The following SOX6 variants were observed in gnomAD, a reference collection of about 807,000 sequenced individuals.
SOX6 encodes the protein transcription factor SOX-6.
In SOX6, 11 loss-of-function variants were observed where a neutral mutation model predicts 97.8. The ratio of observed to expected loss-of-function variants is 0.11; its 90% CI spans 0.07 to 0.19. The LOEUF (loss-of-function observed/expected upper bound fraction) is 0.19. Among genes scored for constraint, SOX6 ranks in the 10% least tolerant of loss-of-function variants. The pLI is 1.00. For missense variants in SOX6, 810 were observed against 1,039.5 expected, an observed-to-expected ratio of 0.78 and a Z score of 3.04; for synonymous variants, 360 against 371.4, an observed-to-expected ratio of 0.97 and a Z score of 0.35.
At chr11:16,015,409 G>A (rs1474013997) in intron 12 of SOX6, 2 of 243,420 alleles carry the variant, frequency 8.2e-6, no homozygotes, top group East Asian at 9.9e-5. Flanking sequence ...TAAAATACAC[G>A]GCTCAATTTA....
At chr11:16,528,357 T>A (rs1565172876) in intron 4 of SOX6, among the ~76,000 whole-genome samples, 1 of 152,134 alleles carries the variant, frequency 6.6e-6, no homozygotes, top group African/African-American at 2.4e-5. Flanking sequence ...AAGGAAGACG[T>A]TATTCTCATC....
rs928161623 is a variant in SOX6 at position 16,234,839 on chromosome 11, A to G, written c.446-168T>C. Among the ~76,000 whole-genome samples, 14 of 152,148 alleles carry G rather than the reference A, an allele frequency of 9.2e-5. No individual in the cohort carries two copies. In the East Asian group the frequency reaches 2.7e-3, roughly 29 times the overall value. ...TATTCTATAATGTGTATTATAAAATACCACCACAAAGTTTATTTTTACCAG... is the reference window on the plus strand; with the variant it reads ...TATTCTATAATGTGTATTATAAAATGCCACCACAAAGTTTATTTTTACCAG... On this transcript the variant is annotated intron_variant, in intron 3 of 15. Transcript: ENST00000683767.
At chr11:16,603,622 T>C (rs1212234971) in intron 4 of SOX6, among the ~76,000 whole-genome samples, 2 of 152,170 alleles carry the variant, frequency 1.3e-5, no homozygotes, top group African/African-American at 4.8e-5. Flanking sequence ...AAGCCTGGAA[T>C]GGTCTTACTG....
chr11:16,454,257 G>A (rs1353117987), intron 1 of SOX6, among the ~76,000 whole-genome samples: 1 of 152,030 alleles, frequency 6.6e-6, no homozygotes, highest in Non-Finnish European at 1.5e-5. Context: ...AAGCTCAATT[G>A]TTATTTTAAT....
At chr11:16,234,792 C>T (rs1285457328) in intron 3 of SOX6, 121 bp from the exon 4 acceptor site, 7 of 531,788 alleles carry the variant, frequency 1.3e-5, no homozygotes, top group Admixed American at 6.7e-5. Flanking sequence ...TAGCTTGAAC[C>T]CCAGGATATA....
intron 6 of SOX6, among the ~76,000 whole-genome samples, chr11:16,160,483 A>G (rs1018059181): frequency 5.3e-5 from 8 of 152,186 alleles, no homozygotes; most frequent in African/African-American, 1.9e-4. Context: ...CATATATACC[A>G]TAATGACTTA....
chr11:16,219,794 A>G (rs939007324), intron 4 of SOX6, among the ~76,000 whole-genome samples: 2 of 152,004 alleles, frequency 1.3e-5, no homozygotes, highest in Admixed American at 1.3e-4. Flanking sequence ...CGACATAGCT[A>G]TCCCTTGAGA....
intron 4 of SOX6, among the ~76,000 whole-genome samples, chr11:16,532,679 C>T (rs942296866): frequency 3.3e-5 from 5 of 151,858 alleles, no homozygotes; most frequent in African/African-American, 1.2e-4. Context: ...TATGCCTTAA[C>T]ATTTAAGCCC....
chr11:16,649,039 C>T (rs1849054110), intron 3 of SOX6, among the ~76,000 whole-genome samples: 1 of 151,652 alleles, frequency 6.6e-6, no homozygotes, highest in Non-Finnish European at 1.5e-5. Flanking sequence ...AAAGACAAGA[C>T]TTTTGAATTA....
intron 3 of SOX6, among the ~76,000 whole-genome samples, chr11:16,706,541 T>G: frequency 8.5e-6 from 1 of 117,592 alleles, no homozygotes; most frequent in Non-Finnish European, 1.7e-5. Flanking sequence ...GACGGTATTT[T>G]CTAGTAATGG....
intron 1 of SOX6, among the ~76,000 whole-genome samples, chr11:16,374,512 G>A (rs944051857): frequency 6.6e-6 from 1 of 151,720 alleles, no homozygotes; most frequent in South Asian, 2.1e-4. Context: ...TATCACACGT[G>A]GAATACATTT....
At chr11:16,291,276 T>TAC (rs1854906069) in intron 3 of SOX6, among the ~76,000 whole-genome samples, 1 of 109,064 alleles carries the variant, frequency 9.2e-6, no homozygotes, top group African/African-American at 3.4e-5. Context: ...TATATATATA[T>TAC]ACGAGGTGTT....
intron 3 of SOX6, among the ~76,000 whole-genome samples, chr11:16,638,375 T>A (rs1848828469): frequency 6.6e-6 from 1 of 152,160 alleles, no homozygotes; most frequent in Admixed American, 6.5e-5. Context: ...TATGTGTGCA[T>A]GTGTCTTTAT....
intron 1 of SOX6, among the ~76,000 whole-genome samples, chr11:16,406,674 A>G (rs2133050328): frequency 6.6e-6 from 1 of 152,214 alleles, no homozygotes; most frequent in South Asian, 2.1e-4. Context: ...CAAATGCCCT[A>G]TCAATATTGG....
In SOX6 at chr11:16,348,898, T is replaced by C. The variant is rs1856834673; in HGVS notation, c.-5+7196A>G. ...AATTCATCTCATGAAAGTGATTTAA[T>C]ATCTCTACACAAGTTTAGAAAAATA... On this transcript the variant is annotated intron_variant, in intron 1 of 15. Transcript: ENST00000683767. Among the ~76,000 whole-genome samples, 4 of 152,126 alleles carry C rather than the reference T, an allele frequency of 2.6e-5. No homozygotes were observed. The South Asian group carries it at 8.3e-4, about 31-fold the overall frequency.
chr11:16,511,489 C>T (rs1211708583), intron 4 of SOX6, among the ~76,000 whole-genome samples: 2 of 152,058 alleles, frequency 1.3e-5, no homozygotes, highest in Non-Finnish European at 2.9e-5. Context: ...TTTTTATATT[C>T]CCAGGCTTTA....
intron 4 of SOX6, among the ~76,000 whole-genome samples, chr11:16,546,421 C>G (rs1847621247): frequency 6.6e-6 from 1 of 152,046 alleles, no homozygotes; most frequent in Non-Finnish European, 1.5e-5. Flanking sequence ...CACACAGACT[C>G]ATGGAACAAT....
Position 16,507,005 on chromosome 11 carries a change from A to G in SOX6, n.610-30617T>C, listed in dbSNP as rs1019050773. The stretch of plus-strand genomic sequence containing the variant: ...CTTGAGCCAAGAAGGCAGAGGTTGC[A>G]ATGAGCCAAGATCATACCATTGCAC... On this transcript the variant is annotated intron_variant and non_coding_transcript_variant, in intron 4 of 5. Coordinates refer to the SOX6 transcript ENST00000524520. Among the ~76,000 whole-genome samples, 7 of 152,286 alleles carry G rather than the reference A, an allele frequency of 4.6e-5. No individual in the cohort carries two copies. In the South Asian group the frequency reaches 1.5e-3, roughly 32 times the overall value.
At chr11:16,589,981 G>A (rs1313154268) in intron 4 of SOX6, among the ~76,000 whole-genome samples, 1 of 152,066 alleles carries the variant, frequency 6.6e-6, no homozygotes, top group African/African-American at 2.4e-5. Flanking sequence ...TCTTCCTGCT[G>A]CTATAAAAAA....
Sources: gnomAD v4.1 joint callset for allele counts (sites outside exome capture counted in the v4.1 genomes callset) on GRCh38, gnomAD v4.1.1 for gene constraint, MANE v1.5 for transcripts, NCBI Gene and HGNC (gene_info 2026-07-23, HGNC 2026-07-21) for gene names.